The following ARHGAP28 variants were observed in gnomAD, a reference collection of about 807,000 sequenced individuals.
ARHGAP28 encodes rho GTPase-activating protein 28.
A neutral mutation model predicts 90.7 loss-of-function variants in ARHGAP28; 56 were observed. That is an observed-to-expected ratio of 0.62 (90% CI 0.50 to 0.77). The LOEUF (loss-of-function observed/expected upper bound fraction) is 0.77. Ranked by LOEUF, ARHGAP28 falls within the 30% of genes least tolerant of loss-of-function variation. The probability of loss-of-function intolerance (pLI) is 0.00; values close to 1 mark genes in which losing one functional copy is unlikely to be tolerated. For synonymous variants in ARHGAP28, 308 were observed against 323.3 expected (o/e 0.95, Z 0.51); for missense variants, 869 against 900.9 (o/e 0.96, Z 0.45).
At chr18:6,896,814 G>T in intron 16 of ARHGAP28, 188 bp downstream of exon 16, 1 of 612,866 alleles carries the variant, frequency 1.6e-6, no homozygotes, top group Non-Finnish European at 2.5e-6. Context: ...AACAACAAAA[G>T]TTGTTTTTCA....
intron 1 of ARHGAP28, among the ~76,000 whole-genome samples, chr18:6,786,036 AT>A (rs1488309003): frequency 2.0e-5 from 3 of 152,138 alleles, no homozygotes; most frequent in Non-Finnish European, 4.4e-5. Context: ...CCCTGAGGAG[AT>A]GTCTGTTTGA....
chr18:6,786,940 C>T (rs1011086320), intron 1 of ARHGAP28, among the ~76,000 whole-genome samples: 2 of 151,684 alleles, frequency 1.3e-5, no homozygotes, highest in Non-Finnish European at 2.9e-5. Flanking sequence ...AAGTTGGGGC[C>T]GCGCGCGGTG....
rs1259100966 is a variant in ARHGAP28, at chr18:6,841,190, TCTCTCTCTCTCTCCTCTC to T, written c.543+3790_543+3807del. Among the ~76,000 whole-genome samples, 528 of 66,424 alleles carry T rather than the reference TCTCTCTCTCTCTCCTCTC, an allele frequency of 7.9e-3. 10 individuals are homozygous for T. Among genetic ancestry groups the T allele is most frequent in the East Asian group, 0.014 (31 of 2,294 alleles). The allele number at this position is 66,424 out of a possible 152,430, so 43.6% of individuals were successfully genotyped here. On this transcript the variant is annotated intron_variant, in intron 3 of 17. Coordinates refer to ENST00000383472, the MANE Select transcript of ARHGAP28 (RefSeq NM_001366230.1). ...CTCCTCTCTCTCTCTCCTCTCTCTC[TCTCTCTCTCTCTCCTCTC>T]CTCTCTCTCTCTCTCCCCCCAACCC...
At chr18:6,745,933 C>A (rs1025304791) in intron 1 of ARHGAP28, among the ~76,000 whole-genome samples, 1 of 152,200 alleles carries the variant, frequency 6.6e-6, no homozygotes, top group South Asian at 2.1e-4. Flanking sequence ...ACCTATCACA[C>A]TGTGAGAAAA....
chr18:6,796,667 T>C (rs910330538), intron 1 of ARHGAP28, among the ~76,000 whole-genome samples: 2 of 152,296 alleles, frequency 1.3e-5, no homozygotes, highest in East Asian at 3.9e-4. Flanking sequence ...TTTCCAAAAA[T>C]ACATTATTAC....
chr18:6,875,256 C>T (rs1259493750), intron 9 of ARHGAP28, among the ~76,000 whole-genome samples: 3 of 152,150 alleles, frequency 2.0e-5, no homozygotes, highest in Non-Finnish European at 4.4e-5. Context: ...TTAAGTGTTC[C>T]TCGCTACGAC....
At position 6,898,115 on chromosome 18, in the gene ARHGAP28, A is replaced by G. The variant is rs192347054; in HGVS notation, c.2030+1489A>G. ...TAAAAATTTAATTTAAAAGAAAAGT[A>G]GCCAGTAAAAGTCATCTATGGTGTG... On this transcript the variant is annotated intron_variant, in intron 16 of 17. Coordinates refer to ENST00000383472, the MANE Select transcript of ARHGAP28 (RefSeq NM_001366230.1). 284 of 179,990 alleles carry G rather than the reference A, an allele frequency of 1.6e-3. 5 individuals carry two copies. In the Admixed American group the frequency reaches 0.017, roughly 10 times the overall value. The allele number at this position is 179,990 out of a possible 1,614,324, so 11.1% of individuals were successfully genotyped here.
Position 6,812,574 on chromosome 18 carries a change from G to A in ARHGAP28, c.123-12188G>A, listed in dbSNP as rs533475608. ...AGAGCTTCACCTGACTAAGATGACA[G>A]AAAATAAATTACTCTCCATCCCCAT... On this transcript the variant is annotated intron_variant, in intron 1 of 17. Coordinates refer to ENST00000383472, the MANE Select transcript of ARHGAP28 (RefSeq NM_001366230.1). 3.4e-4 allele frequency among the ~76,000 whole-genome samples: 52 copies of A among 152,232 alleles called. No homozygotes were observed. The South Asian group carries it at 0.011, about 32-fold the overall frequency.
intron 6 of ARHGAP28, among the ~76,000 whole-genome samples, chr18:6,868,868 G>A (rs2143491602): frequency 6.6e-6 from 1 of 152,222 alleles, no homozygotes; most frequent in South Asian, 2.1e-4. Context: ...AATTGATCAT[G>A]GTGATGGTTG....
At chr18:6,850,820 CG>C in intron 3 of ARHGAP28, 1 of 1,521,650 alleles carries the variant, frequency 6.6e-7, no homozygotes, top group Non-Finnish European at 8.7e-7. Flanking sequence ...GCTTCTGAGA[CG>C]AATTCTGTTA....
intron 1 of ARHGAP28, among the ~76,000 whole-genome samples, chr18:6,806,121 T>C (rs1322888176): frequency 1.3e-5 from 2 of 152,022 alleles, no homozygotes; most frequent in East Asian, 3.9e-4. Flanking sequence ...GTCAAACTCC[T>C]GAGCTCAGGC....
At chr18:6,911,450 C>CTTCTT (rs1555637824) in intron 17 of ARHGAP28, among the ~76,000 whole-genome samples, 21 of 151,386 alleles carry the variant, frequency 1.4e-4, no homozygotes, top group Non-Finnish European at 2.5e-4. Flanking sequence ...CTTTTCTTTT[C>CTTCTT]TTTGAGACGG....
intron 3 of ARHGAP28, among the ~76,000 whole-genome samples, chr18:6,839,569 T>A (rs184391808): frequency 4.6e-5 from 7 of 152,300 alleles, no homozygotes; most frequent in South Asian, 2.1e-4. Flanking sequence ...AGTGCTGGGA[T>A]TACAGGCGTG....
intron 7 of ARHGAP28, among the ~76,000 whole-genome samples, chr18:6,872,120 G>A (rs1282276010): frequency 6.6e-6 from 1 of 152,230 alleles, no homozygotes; most frequent in African/African-American, 2.4e-5. Flanking sequence ...TTCAGGGGGA[G>A]CCCCTCCTTA....
At chr18:6,828,212 G>A (rs901716017) in intron 2 of ARHGAP28, among the ~76,000 whole-genome samples, 1 of 152,210 alleles carries the variant, frequency 6.6e-6, no homozygotes, top group Non-Finnish European at 1.5e-5. Context: ...CCAGTCAGGC[G>A]TGGCGGCACG....
chr18:6,790,618 C>G (rs2143551251), intron 1 of ARHGAP28: 1 of 152,122 alleles, frequency 6.6e-6, no homozygotes, highest in East Asian at 1.9e-4. Flanking sequence ...GCTGTGGAAT[C>G]AACAAGAGGG....
chr18:6,895,029 G>A, intron 15 of ARHGAP28, 138 bp downstream of exon 15: 2 of 861,548 alleles, frequency 2.3e-6, no homozygotes, highest in Non-Finnish European at 3.8e-6. Context: ...ATAAAGGAAT[G>A]GTAGAGGGAC....
chr18:6,729,720 C>T lies in ARHGAP28; in HGVS notation c.-102C>T. On this transcript the variant is annotated 5_prime_UTR_variant, in exon 1 of 18. Coordinates refer to ENST00000383472, the MANE Select transcript of ARHGAP28 (RefSeq NM_001366230.1). ...CGCGGGAGAGAGCGGCTGGTCGCAC[C>T]TCGGGCCGCGCCGCCCAGCTGCTGA... 1 of 1,282,172 alleles carries T rather than the reference C, an allele frequency of 7.8e-7. No individual in the cohort carries two copies. The highest frequency in any genetic ancestry group is 9.8e-7 in the Non-Finnish European group (1 of 1,015,292). 79.4% of individuals were successfully genotyped at this position (1,282,172 alleles called of 1,614,324 possible). A position where few individuals can be genotyped will look rare whatever the true frequency, so the allele number is the denominator to read the frequency against.
chr18:6,797,242 G>A (rs546209832), intron 1 of ARHGAP28, among the ~76,000 whole-genome samples: 2 of 152,300 alleles, frequency 1.3e-5, no homozygotes, highest in East Asian at 3.9e-4. Flanking sequence ...CCCACCTGAA[G>A]CAAGACTTCA....
Sources: allele counts gnomAD v4.1 joint callset (sites outside exome capture counted in the v4.1 genomes callset), GRCh38; gene constraint gnomAD v4.1.1; transcripts MANE v1.5; gene names NCBI Gene and HGNC (gene_info 2026-07-23, HGNC 2026-07-21).